The following DRAM1 variants were observed in gnomAD, a reference collection of about 807,000 sequenced individuals.
DRAM1 encodes DNA damage regulated autophagy modulator 1.
Under a neutral mutation model 28.5 loss-of-function variants are expected in DRAM1, and 25 were observed. The observed-to-expected ratio is 0.88, with a 90% CI of 0.64 to 1.23. The LOEUF is 1.23. Ranked by LOEUF, DRAM1 falls within the 50% of genes most tolerant of loss-of-function variation. The pLI is 0.00. For synonymous variants in DRAM1, 113 were observed against 114.2 expected, an observed-to-expected ratio of 0.99 and a Z score of 0.07; for missense variants, 249 against 299.2, an observed-to-expected ratio of 0.83 and a Z score of 1.24.
intron 2 of DRAM1, among the ~76,000 whole-genome samples, chr12:101,900,679 C>A (rs1873566382): frequency 6.6e-6 from 1 of 152,174 alleles, no homozygotes; most frequent in African/African-American, 2.4e-5. Context: ...CAAGGGCATA[C>A]ACAATTGCTC....
Position 101,877,749 on chromosome 12 carries a change from C to T in DRAM1, c.-41C>T. 2 of 1,400,086 alleles carry T rather than the reference C, an allele frequency of 1.4e-6. No individual in the cohort carries two copies. Among genetic ancestry groups the T allele is most frequent in the South Asian group, 1.6e-5 (1 of 64,414 alleles). The allele number at this position is 1,400,086 out of a possible 1,614,324, so 86.7% of individuals were successfully genotyped here. On this transcript the variant is annotated 5_prime_UTR_variant, in exon 1 of 7. Transcript: ENST00000258534. This position sits in a 1 kb window ranked among gnomAD's most constrained non-coding sequence, Gnocchi z 4.1. The stretch of plus-strand genomic sequence containing the variant: ...AGCCCGGAGCAACCCGGCGCCCGGC[C>T]CCGCTGGGCGCAGCACTCCGTCGGC...
intron 1 of DRAM1, among the ~76,000 whole-genome samples, chr12:101,882,579 T>C (rs773550778): frequency 6.6e-5 from 10 of 151,336 alleles, no homozygotes; most frequent in Non-Finnish European, 1.3e-4. Context: ...ATGGCTCTTA[T>C]ACACATGAAA....
At chr12:101,897,430 A>G (rs1333693296) in intron 1 of DRAM1, among the ~76,000 whole-genome samples, 1 of 151,430 alleles carries the variant, frequency 6.6e-6, no homozygotes, top group Non-Finnish European at 1.5e-5. Flanking sequence ...TGAACTCCTG[A>G]CCTCAGGTGA....
intron 3 of DRAM1, among the ~76,000 whole-genome samples, chr12:101,905,531 C>A (rs2121115672): frequency 6.6e-6 from 1 of 152,190 alleles, no homozygotes; most frequent in South Asian, 2.1e-4. Flanking sequence ...ATACACCTGC[C>A]TTGGCCTCCC....
intron 1 of DRAM1, among the ~76,000 whole-genome samples, chr12:101,881,034 T>C (rs1227805611): frequency 6.6e-6 from 1 of 152,148 alleles, no homozygotes; most frequent in Non-Finnish European, 1.5e-5. Context: ...CCCTGCCCGC[T>C]CCTAGAAAAC....
rs56843086 is a variant in DRAM1, at chr12:101,908,893, CAA to C, written c.520+550_520+551del. Among the ~76,000 whole-genome samples the C allele has an allele frequency of 1.2e-3, 83 of 70,910 alleles. 1 individual carries two copies. In the South Asian group the frequency reaches 0.028, roughly 24 times the overall value. 46.5% of individuals were successfully genotyped at this position (70,910 alleles called of 152,430 possible). ...GCTTGACACTTCCCTTCCCCACAAC[CAA>C]AAAAAAAAAAAAAAAAAAAGCAAAG... On this transcript the variant is annotated intron_variant, in intron 4 of 6. Transcript: ENST00000258534.
chr12:101,916,659 G>A (rs1481183228), intron 5 of DRAM1, among the ~76,000 whole-genome samples: 1 of 152,128 alleles, frequency 6.6e-6, no homozygotes, highest in African/African-American at 2.4e-5. Flanking sequence ...GAGAGACAGA[G>A]GATTCTTTCC....
rs1404242780 is a variant in DRAM1, at chr12:101,895,948, G to A, written c.132-1915G>A. 2.7e-5 allele frequency among the ~76,000 whole-genome samples: 4 copies of A among 149,480 alleles called. 1 individual carries two copies. The highest frequency in any genetic ancestry group is 4.5e-5 in the Non-Finnish European group (3 of 67,318). ...GTTGCCCAGGCTGGAGTGCAATGGCGCAATCTTGGCTCACTGCAACCTCTG... is the reference window on the plus strand; with the variant it reads ...GTTGCCCAGGCTGGAGTGCAATGGCACAATCTTGGCTCACTGCAACCTCTG... On this transcript the variant is annotated intron_variant, in intron 1 of 6. Coordinates refer to ENST00000258534, the MANE Select transcript of DRAM1 (RefSeq NM_018370.3).
At position 101,917,637 on chromosome 12, in the gene DRAM1, T is replaced by C. The variant is rs373137096; in HGVS notation, c.580-2472T>C. ...GGAGTTGGAGAGCTGGAGGCTGCAATGAGCCGAGATCATGCCAATGCACTC... is the reference window on the plus strand; with the variant it reads ...GGAGTTGGAGAGCTGGAGGCTGCAACGAGCCGAGATCATGCCAATGCACTC... On this transcript the variant is annotated intron_variant, in intron 5 of 6. Transcript: ENST00000258534. 1.4e-4 allele frequency among the ~76,000 whole-genome samples: 21 copies of C among 147,124 alleles called. No homozygotes were observed. The East Asian group carries it at 4.0e-3, about 28-fold the overall frequency.
intron 1 of DRAM1, among the ~76,000 whole-genome samples, chr12:101,891,238 T>A (rs1387053592): frequency 6.6e-6 from 1 of 152,222 alleles, no homozygotes; most frequent in East Asian, 1.9e-4. Flanking sequence ...ATGTTTTTTT[T>A]AGATTCTAAG....
intron 4 of DRAM1, among the ~76,000 whole-genome samples, chr12:101,913,180 C>T (rs961399418): frequency 6.6e-6 from 1 of 152,122 alleles, no homozygotes; most frequent in African/African-American, 2.4e-5. Context: ...CAGCCCCTGG[C>T]ATTATTAGGC....
intron 2 of DRAM1, 34 bp from the exon 3 acceptor site, chr12:101,901,257 T>A (rs754945021): frequency 6.3e-7 from 1 of 1,596,446 alleles, no homozygotes; most frequent in African/African-American, 1.4e-5. Context: ...GACATCAAAT[T>A]ATGAACATTC....
intron 1 of DRAM1, among the ~76,000 whole-genome samples, chr12:101,897,617 C>G (rs1210744643): frequency 2.0e-5 from 3 of 151,826 alleles, no homozygotes. Context: ...TGAAAAATGG[C>G]AGCACCATTC....
intron 5 of DRAM1, among the ~76,000 whole-genome samples, chr12:101,915,546 C>T (rs78208390): frequency 0.047 from 6,869 of 144,898 alleles, 545 homozygotes; most frequent in African/African-American, 0.17. Flanking sequence ...ACTTTGAAGA[C>T]TTTTTTTTTT....
At chr12:101,899,481 T>C (rs544064535) in intron 2 of DRAM1, among the ~76,000 whole-genome samples, 2 of 151,812 alleles carry the variant, frequency 1.3e-5, no homozygotes, top group Admixed American at 1.3e-4. Context: ...TGTAGTGAGA[T>C]CTCATCTCTA....
intron 2 of DRAM1, 42 bp downstream of exon 2, chr12:101,897,972 A>T (rs757999996): frequency 8.3e-7 from 1 of 1,204,630 alleles, no homozygotes; most frequent in South Asian, 1.4e-5. Context: ...AAAAGCTCAC[A>T]ATTCCAAGTG....
intron 1 of DRAM1, among the ~76,000 whole-genome samples, chr12:101,897,326 A>G (rs1394982460): frequency 6.6e-6 from 1 of 151,796 alleles, no homozygotes; most frequent in Non-Finnish European, 1.5e-5. Context: ...CAGCCTCCCA[A>G]GTAGTTGGGA....
intron 1 of DRAM1, among the ~76,000 whole-genome samples, chr12:101,893,226 T>C (rs1873205554): frequency 6.6e-6 from 1 of 152,268 alleles, no homozygotes; most frequent in African/African-American, 2.4e-5. Flanking sequence ...GTGCTGGAGC[T>C]AGCTGGTGTC....
Position 101,908,370 on chromosome 12 carries a change from T to G in DRAM1, c.520+7T>G. The stretch of plus-strand genomic sequence containing the variant: ...TGCGCAGCTGTCATCCCCAGTATCC[T>G]TTTTCACATTTGTGCCTTGTTAAAG... On this transcript the variant is annotated splice_region_variant and intron_variant, in intron 4 of 6. Coordinates refer to ENST00000258534, the MANE Select transcript of DRAM1 (RefSeq NM_018370.3). The G allele has an allele frequency of 6.3e-7, 1 of 1,597,518 alleles. No homozygotes were observed. The highest frequency in any genetic ancestry group is 1.1e-5 in the South Asian group (1 of 88,242).
Sources: gnomAD v4.1 joint callset for allele counts (sites outside exome capture counted in the v4.1 genomes callset) on GRCh38, gnomAD v4.1.1 for gene constraint, Gnocchi (gnomAD v3.1) non-coding constraint, MANE v1.5 for transcripts, NCBI Gene and HGNC (gene_info 2026-07-23, HGNC 2026-07-21) for gene names.